MAPK8IP1: variants seen among roughly 807,000 people sequenced by gnomAD.
MAPK8IP1 encodes C-Jun-amino-terminal kinase-interacting protein 1.
MAPK8IP1 carries 17 observed loss-of-function variants against 72.6 expected under a neutral mutation model. The observed-to-expected ratio is 0.23, with a 90% confidence interval of 0.16 to 0.35. The LOEUF is 0.35. Ranked by LOEUF, MAPK8IP1 falls within the 10% of genes least tolerant of loss-of-function variation. The pLI, the probability that MAPK8IP1 is intolerant of heterozygous loss-of-function variation, is 1.00. For synonymous variants in MAPK8IP1, 401 were observed against 443.4 expected (o/e 0.90, Z 1.20); for missense variants, 789 against 1,009.7 (o/e 0.78, Z 2.96).
rs948637679 is a variant in MAPK8IP1 at position 45,900,477 on chromosome 11, C to T, written c.522+25C>T. The T allele has an allele frequency of 3.9e-6, 6 of 1,529,770 alleles. No homozygotes were observed. In the African/African-American group the frequency reaches 4.1e-5, roughly 11 times the overall value. The allele number at this position is 1,529,770 out of a possible 1,614,324, so 94.8% of individuals were successfully genotyped here. On this transcript the variant is annotated intron_variant, in intron 3 of 11. Transcript: ENST00000241014. This position sits in a 1 kb window ranked among gnomAD's most constrained non-coding sequence, Gnocchi z 6.5. ...GGTGAGGCGCCAACGTGGGGGGCGG[C>T]GCCCTGGGCCGCCGCGGAGATGTGA...
At position 45,902,011 on chromosome 11, in the gene MAPK8IP1, AGCACAGTTG is replaced by A. The variant is rs746918167; in HGVS notation, c.558_566del (p.His186_Trp188del). Reference sequence around the variant, plus strand: ...CTGAATAATAATTCTCTGGGCAAAAAGCACAGTTGGCAGGATCGGGTGTCTCGATCATCC... The same window carrying A: ...CTGAATAATAATTCTCTGGGCAAAAAGCAGGATCGGGTGTCTCGATCATCC... On this transcript the variant is annotated inframe_deletion, in exon 4 of 12. Coordinates refer to ENST00000241014, the MANE Select transcript of MAPK8IP1 (RefSeq NM_005456.4). The surrounding 1 kb of genome is among the most constrained non-coding windows in gnomAD (Gnocchi z 9.3). 1.2e-6 allele frequency: 2 copies of A among 1,614,138 alleles called. No homozygotes were observed. Among genetic ancestry groups the A allele is most frequent in the South Asian group, 2.2e-5 (2 of 91,086 alleles).
chr11:45,902,537 G>A lies in MAPK8IP1; in HGVS notation c.770G>A (p.Gly257Glu), dbSNP rs1347720530. ...GGTGGTCCCCCTGCTGCCCCGCCTG[G>A]GGGTCGGGGCCACTCGCATCGAGAC... ...PPGGPPAAPP[G>E]GRGHSHRDRI... Residue 257 changes from glycine to glutamate, a missense_variant, in exon 5 of 12, where the codon GGG becomes GAG. Gly to Glu is a moderately conservative substitution (Grantham distance 98). This residue lies in a region of MAPK8IP1 where 377 missense variants were observed against 411.7 expected (regional missense o/e 0.92). Coordinates refer to ENST00000241014, the MANE Select transcript of MAPK8IP1 (RefSeq NM_005456.4). The surrounding 1 kb of genome is among the most constrained non-coding windows in gnomAD (Gnocchi z 9.3). 1.9e-6 allele frequency: 3 copies of A among 1,612,014 alleles called. No homozygotes were observed. The highest frequency in any genetic ancestry group is 2.5e-6 in the Non-Finnish European group (3 of 1,179,598).
At chr11:45,901,841 G>A (rs2086655266) in intron 3 of MAPK8IP1, 139 bp from the exon 4 acceptor site, 9 of 781,678 alleles carry the variant, frequency 1.2e-5, no homozygotes, top group Admixed American at 3.4e-5. Flanking sequence ...GGAGAGTTAC[G>A]AGTGAGGCCT....
chr11:45,890,791 T>C (rs912228017), intron 1 of MAPK8IP1, among the ~76,000 whole-genome samples: 15 of 151,968 alleles, frequency 9.9e-5, no homozygotes, highest in Non-Finnish European at 1.8e-4. Flanking sequence ...GAGGACCCAA[T>C]TGGAGGAATC....
chr11:45,885,708 C>T lies in MAPK8IP1; in HGVS notation c.-113C>T. 2.0e-6 allele frequency: 1 copy of T among 508,446 alleles called. No individual in the cohort carries two copies. The allele number at this position is 508,446 out of a possible 1,614,324, so 31.5% of individuals were successfully genotyped here. A position where few individuals can be genotyped will look rare whatever the true frequency, so the allele number is the denominator to read the frequency against. Reference sequence around the variant, plus strand: ...GCCCTGCCAGACACAGGTGCGCCCGCCTAGCCCGAACTCCGCGGCGGCGGC... The same window carrying T: ...GCCCTGCCAGACACAGGTGCGCCCGTCTAGCCCGAACTCCGCGGCGGCGGC... On this transcript the variant is annotated 5_prime_UTR_variant, in exon 1 of 12. Coordinates refer to ENST00000241014, the MANE Select transcript of MAPK8IP1 (RefSeq NM_005456.4).
Position 45,902,410 on chromosome 11 carries a change from G to C in MAPK8IP1, c.643G>C (p.Asp215His), listed in dbSNP as rs754302814. The C allele has an allele frequency of 1.9e-6, 3 of 1,581,010 alleles. No homozygotes were observed. The South Asian group carries it at 3.4e-5, about 18-fold the overall frequency. The change falls in exon 5 of 12, where the codon GAT (aspartate) becomes CAT (histidine). Residue 215 changes from aspartate (D) to histidine (H), a missense_variant. Physicochemically the swap from Asp to His is moderately conservative, Grantham distance 81. This residue lies in a region of MAPK8IP1 where 377 missense variants were observed against 411.7 expected (regional missense o/e 0.92). Transcript: ENST00000241014. This position sits in a 1 kb window ranked among gnomAD's most constrained non-coding sequence, Gnocchi z 9.3. ...ACCGCATGAACACATCTGCCTGAGC[G>C]ATGAGCTGCCCCCCCAGAGCGGCCC... is the stretch of plus-strand genomic sequence containing the variant. ...TPPHEHICLS[D>H]ELPPQSGPAP...
Position 45,902,451 on chromosome 11 carries a change from T to G in MAPK8IP1, c.684T>G (p.Asp228Glu), listed in dbSNP as rs1049187882. Residue 228 changes from aspartate (D) to glutamate (E), a missense_variant, in exon 5 of 12, where the codon GAT (aspartate) becomes GAG (glutamate). Physicochemically the swap from Asp to Glu is conservative, Grantham distance 45 (BLOSUM62 2). Transcript: ENST00000241014. The surrounding 1 kb of genome is among the most constrained non-coding windows in gnomAD (Gnocchi z 9.3). The stretch of plus-strand genomic sequence containing the variant: ...AGAGCGGCCCCGCCCCCACCACAGA[T>G]CGAGGCACCTCCACCGACAGCCCTT... ...PPQSGPAPTT[D>E]RGTSTDSPCR... 1 of 1,596,802 alleles carries G rather than the reference T, an allele frequency of 6.3e-7. No individual in the cohort carries two copies. The highest frequency in any genetic ancestry group is 1.7e-5 in the Admixed American group (1 of 57,766).
At position 45,904,369 on chromosome 11, in the gene MAPK8IP1, C is replaced by T. The variant is rs2086685267; in HGVS notation, c.1667-86C>T. The T allele has an allele frequency of 6.4e-6, 8 of 1,255,496 alleles. No individual in the cohort carries two copies. The highest frequency in any genetic ancestry group is 2.6e-4 in the Middle Eastern group (1 of 3,838). The allele number at this position is 1,255,496 out of a possible 1,614,324, so 77.8% of individuals were successfully genotyped here. A position where few individuals can be genotyped will look rare whatever the true frequency, so the allele number is the denominator to read the frequency against. On this transcript the variant is annotated intron_variant, in intron 7 of 11. Transcript: ENST00000241014. The surrounding 1 kb of genome is among the most constrained non-coding windows in gnomAD (Gnocchi z 6.4). ...GCAGCCTCTGTGGGCTCTGCCATTCCCCGTGCCTCACCCACCCTCCTTCAC... is the reference window on the plus strand; with the variant it reads ...GCAGCCTCTGTGGGCTCTGCCATTCTCCGTGCCTCACCCACCCTCCTTCAC...
intron 1 of MAPK8IP1, among the ~76,000 whole-genome samples, chr11:45,892,498 G>A (rs1015212435): frequency 2.6e-5 from 4 of 151,638 alleles, no homozygotes; most frequent in Non-Finnish European, 4.4e-5. Context: ...ACCGCGGGCC[G>A]CATAACCCAA....
chr11:45,896,784 C>A, intron 1 of MAPK8IP1: 1 of 1,528,094 alleles, frequency 6.5e-7, no homozygotes, highest in Non-Finnish European at 8.8e-7. Context: ...AGGCCAGAGG[C>A]CCCCAGCCCT....
chr11:45,886,654 C>T (rs1038732357), intron 1 of MAPK8IP1, among the ~76,000 whole-genome samples: 1 of 152,180 alleles, frequency 6.6e-6, no homozygotes, highest in Non-Finnish European at 1.5e-5. Flanking sequence ...ACCCCCCAAT[C>T]TGGTGTTAGG....
In MAPK8IP1 at chr11:45,900,068, G is replaced by A; in HGVS notation, c.208-70G>A. ...CGCCACAGAATGGACTCGCCCGGGC[G>A]GGGGGCGGTGCAAGCGGCCTCGGCC... On this transcript the variant is annotated intron_variant, in intron 2 of 11. Coordinates refer to ENST00000241014, the MANE Select transcript of MAPK8IP1 (RefSeq NM_005456.4). This position sits in a 1 kb window ranked among gnomAD's most constrained non-coding sequence, Gnocchi z 6.5. The A allele has an allele frequency of 3.1e-6, 3 of 979,214 alleles. No individual in the cohort carries two copies. Among genetic ancestry groups the A allele is most frequent in the Non-Finnish European group, 2.6e-6 (2 of 781,210 alleles). 60.7% of individuals were successfully genotyped at this position (979,214 alleles called of 1,614,324 possible).
chr11:45,905,047 T>TG lies in MAPK8IP1; in HGVS notation c.1964+11dup, dbSNP rs755989860. ...TATCATCCAAAGAACAACAAGTAAG[T>TG]GGGGGTGGGATGGCAGTGGAGGAGG... On this transcript the variant is annotated splice_region_variant and intron_variant, in intron 10 of 11. Transcript: ENST00000241014. The TG allele has an allele frequency of 6.2e-7, 1 of 1,613,726 alleles. No homozygotes were observed. The highest frequency in any genetic ancestry group is 8.5e-7 in the Non-Finnish European group (1 of 1,179,920).
At position 45,906,130 on chromosome 11, in the gene MAPK8IP1, G is replaced by C. The variant is rs2086707171; in HGVS notation, c.*409G>C. 3 of 374,824 alleles carry C rather than the reference G, an allele frequency of 8.0e-6. No homozygotes were observed. Among genetic ancestry groups the C allele is most frequent in the African/African-American group, 6.1e-5 (3 of 48,910 alleles). 23.2% of individuals were successfully genotyped at this position (374,824 alleles called of 1,614,324 possible). On this transcript the variant is annotated 3_prime_UTR_variant, in exon 12 of 12. Transcript: ENST00000241014. Reference sequence around the variant, plus strand: ...TTGATGAAGCCTGTGCCACCTGCAAGTGCCCGCCCTGCCCCTGCCCCAACC... The same window carrying C: ...TTGATGAAGCCTGTGCCACCTGCAACTGCCCGCCCTGCCCCTGCCCCAACC...
At chr11:45,888,994 C>A (rs1341048348) in intron 1 of MAPK8IP1, among the ~76,000 whole-genome samples, 2 of 152,174 alleles carry the variant, frequency 1.3e-5, no homozygotes, top group African/African-American at 4.8e-5. Flanking sequence ...GCCACCACGC[C>A]CAGTGTCATA....
chr11:45,906,369 C>A lies in MAPK8IP1; in HGVS notation c.*648C>A. On this transcript the variant is annotated 3_prime_UTR_variant, in exon 12 of 12. Transcript: ENST00000241014. ...GGAGGAGCTGCCGCAAGGCCCTGTC[C>A]CAGCAGAAGAGGGAGGCTTCCTGAC... The A allele has an allele frequency of 1.7e-6, 1 of 594,094 alleles. No homozygotes were observed. The highest frequency in any genetic ancestry group is 3.2e-5 in the East Asian group (1 of 31,054). The allele number at this position is 594,094 out of a possible 1,614,324, so 36.8% of individuals were successfully genotyped here. A position where few individuals can be genotyped will look rare whatever the true frequency, so the allele number is the denominator to read the frequency against.
chr11:45,900,474 C>T lies in MAPK8IP1; in HGVS notation c.522+22C>T. On this transcript the variant is annotated intron_variant, in intron 3 of 11. Coordinates refer to ENST00000241014, the MANE Select transcript of MAPK8IP1 (RefSeq NM_005456.4). This position sits in a 1 kb window ranked among gnomAD's most constrained non-coding sequence, Gnocchi z 6.5. Reference sequence around the variant, plus strand: ...TCAGGTGAGGCGCCAACGTGGGGGGCGGCGCCCTGGGCCGCCGCGGAGATG... The same window carrying T: ...TCAGGTGAGGCGCCAACGTGGGGGGTGGCGCCCTGGGCCGCCGCGGAGATG... The T allele has an allele frequency of 1.3e-6, 2 of 1,530,272 alleles. No homozygotes were observed. The highest frequency in any genetic ancestry group is 1.7e-6 in the Non-Finnish European group (2 of 1,144,574). The allele number at this position is 1,530,272 out of a possible 1,614,324, so 94.8% of individuals were successfully genotyped here. A position where few individuals can be genotyped will look rare whatever the true frequency, so the allele number is the denominator to read the frequency against.
At chr11:45,887,547 C>A (rs1011225212) in intron 1 of MAPK8IP1, among the ~76,000 whole-genome samples, 3 of 152,216 alleles carry the variant, frequency 2.0e-5, no homozygotes, top group African/African-American at 7.2e-5. Flanking sequence ...ACACTGGGAC[C>A]CAGGTCTGTG....
intron 1 of MAPK8IP1, among the ~76,000 whole-genome samples, chr11:45,888,164 GCA>G (rs990347346): frequency 3.9e-5 from 6 of 152,064 alleles, no homozygotes; most frequent in Non-Finnish European, 8.8e-5. Context: ...CTGTGTGTGT[GCA>G]CACACACACA....
Sources: gnomAD v4.1 joint callset for allele counts (sites outside exome capture counted in the v4.1 genomes callset) on GRCh38, gnomAD v4.1.1 for gene constraint, gnomAD v4.1.1 regional missense constraint, Gnocchi (gnomAD v3.1) non-coding constraint, MANE v1.5 for transcripts, NCBI Gene and HGNC (gene_info 2026-07-23, HGNC 2026-07-21) for gene names.